Variants in SYT9 observed in about 807,000 individuals in gnomAD.
SYT9 encodes synaptotagmin 9, also known as synaptotagmin-9.
Under a neutral mutation model 48.4 loss-of-function variants are expected in SYT9, and 22 were observed. That is an observed-to-expected ratio of 0.45 (90% CI 0.32 to 0.65). SYT9 has a LOEUF of 0.65. Ranked by LOEUF, SYT9 falls within the 30% of genes least tolerant of loss-of-function variation. The probability of loss-of-function intolerance (pLI) is 0.03; values close to 1 mark genes in which losing one functional copy is unlikely to be tolerated. For missense variants in SYT9, 577 were observed against 622.0 expected, an observed-to-expected ratio of 0.93 and a Z score of 0.77; for synonymous variants, 265 against 245.0, an observed-to-expected ratio of 1.08 and a Z score of -0.76.
rs749543472 is a variant in SYT9, at chr11:7,252,236, C to A, written c.50C>A (p.Ala17Asp). ...ALCHQALQLL[A>D]ELCARGALEH... Reference sequence around the variant, plus strand: ...TGTCACCAGGCGCTGCAGCTGCTGGCCGAGCTCTGTGCCCGTGGGGCCCTG... The same window carrying A: ...TGTCACCAGGCGCTGCAGCTGCTGGACGAGCTCTGTGCCCGTGGGGCCCTG... The change falls in exon 1 of 7, where the codon GCC becomes GAC. Residue 17 changes from alanine (A) to aspartate (D), a missense_variant. By Grantham distance (126) the Ala-to-Asp change is moderately radical. Coordinates refer to ENST00000318881, the MANE Select transcript of SYT9 (RefSeq NM_175733.4). The surrounding 1 kb of genome is among the most constrained non-coding windows in gnomAD (Gnocchi z 6.3). 1 of 1,501,474 alleles carries A rather than the reference C, an allele frequency of 6.7e-7. No homozygotes were observed. Among genetic ancestry groups the A allele is most frequent in the Non-Finnish European group, 8.9e-7 (1 of 1,125,826 alleles). The allele number at this position is 1,501,474 out of a possible 1,614,324, so 93.0% of individuals were successfully genotyped here.
chr11:7,362,881 AT>A (rs1399718894), intron 3 of SYT9, among the ~76,000 whole-genome samples: 1 of 93,922 alleles, frequency 1.1e-5, no homozygotes, highest in African/African-American at 4.1e-5. Flanking sequence ...CCATTTTATG[AT>A]TTTTTGCTTT....
intron 3 of SYT9, among the ~76,000 whole-genome samples, chr11:7,355,781 A>T (rs976810995): frequency 6.6e-6 from 1 of 152,248 alleles, no homozygotes; most frequent in East Asian, 1.9e-4. Flanking sequence ...AACTTGTTCA[A>T]TGTCACCTGG....
intron 6 of SYT9, chr11:7,435,996 A>T (rs1847701437): frequency 1.3e-5 from 2 of 152,220 alleles, no homozygotes; most frequent in South Asian, 4.1e-4. Context: ...AGAAAAAAAA[A>T]AATCAGCTGA....
chr11:7,423,783 A>T (rs1847400278), intron 6 of SYT9, among the ~76,000 whole-genome samples: 1 of 152,022 alleles, frequency 6.6e-6, no homozygotes, highest in East Asian at 1.9e-4. Flanking sequence ...AGTGGGGGGA[A>T]GGGGTCATCC....
chr11:7,349,825 A>C (rs1049769922), intron 3 of SYT9, among the ~76,000 whole-genome samples: 1 of 152,272 alleles, frequency 6.6e-6, no homozygotes, highest in Admixed American at 6.5e-5. Context: ...ATGTAAGTCT[A>C]TTTGAAGCCT....
chr11:7,358,989 A>G (rs1191160808), intron 3 of SYT9, among the ~76,000 whole-genome samples: 1 of 151,936 alleles, frequency 6.6e-6, no homozygotes, highest in East Asian at 1.9e-4. Context: ...TCCCAATGCT[A>G]TTCCTCCCCC....
intron 3 of SYT9, among the ~76,000 whole-genome samples, chr11:7,365,028 T>C (rs1357048101): frequency 6.6e-6 from 1 of 152,162 alleles, no homozygotes; most frequent in Non-Finnish European, 1.5e-5. Flanking sequence ...TGAGTGAGTG[T>C]GATTTTCAGG....
At chr11:7,362,245 A>G (rs1479697127) in intron 3 of SYT9, among the ~76,000 whole-genome samples, 1 of 151,112 alleles carries the variant, frequency 6.6e-6, no homozygotes, top group East Asian at 2.0e-4. Context: ...CCTGGGTTCA[A>G]GTGATTCTCC....
intron 1 of SYT9, among the ~76,000 whole-genome samples, chr11:7,300,860 C>T (rs147332393): frequency 8.4e-4 from 128 of 152,200 alleles, no homozygotes; most frequent in African/African-American, 2.7e-3. Flanking sequence ...AGGTGGACTC[C>T]GGGGTCAATC....
chr11:7,361,134 AT>A (rs150878609), intron 3 of SYT9, among the ~76,000 whole-genome samples: 3,383 of 151,570 alleles, frequency 0.022, 113 homozygotes, highest in African/African-American at 0.078. Context: ...TTGGTATTAT[AT>A]TTTTTCTTTA....
intron 3 of SYT9, among the ~76,000 whole-genome samples, chr11:7,330,586 T>G (rs1483781255): frequency 6.6e-6 from 1 of 152,234 alleles, no homozygotes; most frequent in Non-Finnish European, 1.5e-5. Flanking sequence ...TATTTCTGTC[T>G]ATCTAGGAAG....
intron 1 of SYT9, among the ~76,000 whole-genome samples, chr11:7,289,548 A>C (rs989979590): frequency 6.6e-6 from 1 of 152,250 alleles, no homozygotes; most frequent in Non-Finnish European, 1.5e-5. Flanking sequence ...AGAGAAGTGA[A>C]GATTACAGAA....
At chr11:7,442,424 C>A (rs1433805525) in intron 6 of SYT9, among the ~76,000 whole-genome samples, 1 of 152,196 alleles carries the variant, frequency 6.6e-6, no homozygotes, top group Non-Finnish European at 1.5e-5. Flanking sequence ...ACCAGAGAGG[C>A]AAAGCCCTTC....
chr11:7,451,012 T>C (rs1044436824), intron 6 of SYT9, among the ~76,000 whole-genome samples: 8 of 152,266 alleles, frequency 5.3e-5, no homozygotes, highest in African/African-American at 1.9e-4. Context: ...TTAGAATTTT[T>C]AAGAAAATTC....
At chr11:7,415,669 G>A (rs1847229810) in intron 3 of SYT9, among the ~76,000 whole-genome samples, 1 of 152,114 alleles carries the variant, frequency 6.6e-6, no homozygotes, top group African/African-American at 2.4e-5. Flanking sequence ...TGATATGAGT[G>A]GAGCCACATA....
At position 7,468,330 on chromosome 11, in the gene SYT9, A is replaced by C. The variant is rs1181823672; in HGVS notation, c.*1530A>C. ...ATACAAGAAGCTCTACTTTGATGGC[A>C]GATCTAAGAAGGCTATAGGCCTTTG... On this transcript the variant is annotated 3_prime_UTR_variant, in exon 7 of 7. Transcript: ENST00000318881. 2 of 398,516 alleles carry C rather than the reference A, an allele frequency of 5.0e-6. No individual in the cohort carries two copies. The highest frequency in any genetic ancestry group is 4.1e-5 in the African/African-American group (2 of 48,644). 24.7% of individuals were successfully genotyped at this position (398,516 alleles called of 1,614,324 possible).
chr11:7,252,298 C>A lies in SYT9; in HGVS notation c.112C>A (p.Arg38=), dbSNP rs115391316. The change falls in exon 1 of 7, where the codon CGG becomes AGG. Residue 38 remains arginine (R), a synonymous_variant. Coordinates refer to ENST00000318881, the MANE Select transcript of SYT9 (RefSeq NM_175733.4). The surrounding 1 kb of genome is among the most constrained non-coding windows in gnomAD (Gnocchi z 6.3). The stretch of plus-strand genomic sequence containing the variant: ...CTGCCAGGATTTCATTTACCACCTG[C>A]GGGACCGTGCCAGACCCCGGCTCCG... ...DSCQDFIYHL[R]DRARPRLRDP... The A allele has an allele frequency of 2.2e-4, 325 of 1,510,392 alleles. 3 individuals are homozygous for A. The African/African-American group carries it at 4.4e-3, about 20-fold the overall frequency. 93.6% of individuals were successfully genotyped at this position (1,510,392 alleles called of 1,614,324 possible).
chr11:7,363,989 G>A (rs1179362888), intron 3 of SYT9, among the ~76,000 whole-genome samples: 3 of 152,132 alleles, frequency 2.0e-5, no homozygotes, highest in African/African-American at 4.8e-5. Context: ...AGCAGTAGCT[G>A]GGAGAGGGCC....
intron 6 of SYT9, chr11:7,436,106 A>G (rs1411705302): frequency 6.6e-6 from 1 of 152,246 alleles, no homozygotes; most frequent in Non-Finnish European, 1.5e-5. Flanking sequence ...CACCCATTCC[A>G]ATTTTAGAGA....
Sources: gnomAD v4.1 joint callset for allele counts (sites outside exome capture counted in the v4.1 genomes callset) on GRCh38, gnomAD v4.1.1 for gene constraint, Gnocchi (gnomAD v3.1) non-coding constraint, MANE v1.5 for transcripts, NCBI Gene and HGNC (gene_info 2026-07-23, HGNC 2026-07-21) for gene names.